The following PLXNB2 variants were observed in gnomAD, a reference collection of about 807,000 sequenced individuals.
The protein encoded by PLXNB2 is plexin-B2.
Under a neutral mutation model 202.6 loss-of-function variants are expected in PLXNB2, and 85 were observed. The observed-to-expected ratio is 0.42, with a 90% confidence interval of 0.35 to 0.50. The LOEUF (loss-of-function observed/expected upper bound fraction) is 0.50. Among genes scored for constraint, PLXNB2 ranks in the 20% least tolerant of loss-of-function variants. The pLI is 0.02. For synonymous variants in PLXNB2, 1,239 were observed against 1,137.6 expected (o/e 1.09, Z -1.79); for missense variants, 2,063 against 2,586.2 (o/e 0.80, Z 4.39).
At chr22:50,280,461 C>A in intron 25 of PLXNB2, 28 bp downstream of exon 25, 1 of 1,574,968 alleles carries the variant, frequency 6.3e-7, no homozygotes, top group South Asian at 1.1e-5. Flanking sequence ...CCGCCCGTGG[C>A]CCCGCTCGTG....
chr22:50,289,500 C>T lies in PLXNB2; in HGVS notation c.1068+17G>A. 1 of 1,591,640 alleles carries T rather than the reference C, an allele frequency of 6.3e-7. No individual in the cohort carries two copies. Among genetic ancestry groups the T allele is most frequent in the Non-Finnish European group, 8.6e-7 (1 of 1,167,714 alleles). ...GCCTGCAGTCCGGGCCCTGCGAGAA[C>T]ACACTGAGGCCCATACCGGCGCGTG... On this transcript the variant is annotated intron_variant, in intron 3 of 36. Transcript: ENST00000359337. This position sits in a 1 kb window ranked among gnomAD's most constrained non-coding sequence, Gnocchi z 8.0.
intron 2 of PLXNB2, among the ~76,000 whole-genome samples, chr22:50,294,399 C>G (rs1006870274): frequency 7.9e-5 from 12 of 151,924 alleles, no homozygotes; most frequent in Non-Finnish European, 1.5e-4. Context: ...CACCACACCC[C>G]CAACGCTCCA....
At chr22:50,304,634 G>C (rs1433219068) in intron 1 of PLXNB2, among the ~76,000 whole-genome samples, 1 of 152,142 alleles carries the variant, frequency 6.6e-6, no homozygotes, top group Non-Finnish European at 1.5e-5. Flanking sequence ...GCCTCCCCGG[G>C]GCCCCAGAGC....
intron 1 of PLXNB2, among the ~76,000 whole-genome samples, chr22:50,300,698 G>T (rs1226392978): frequency 2.6e-5 from 4 of 152,192 alleles, no homozygotes; most frequent in South Asian, 4.1e-4. Context: ...CTGGTTTCAG[G>T]GTGGGGTTCC....
At position 50,289,470 on chromosome 22, in the gene PLXNB2, C is replaced by T. The variant is rs138045888; in HGVS notation, c.1068+47G>A. 13,963 of 1,526,354 alleles carry T rather than the reference C, an allele frequency of 9.1e-3. 82 individuals carry two copies. The highest frequency in any genetic ancestry group is 0.01 in the Non-Finnish European group (11,859 of 1,133,586). 94.6% of individuals were successfully genotyped at this position (1,526,354 alleles called of 1,614,324 possible). A position where few individuals can be genotyped will look rare whatever the true frequency, so the allele number is the denominator to read the frequency against. ...AGGCTGGGACACGCAAACCCACGAACGGACGCCTGCAGTCCGGGCCCTGCG... is the reference window on the plus strand; with the variant it reads ...AGGCTGGGACACGCAAACCCACGAATGGACGCCTGCAGTCCGGGCCCTGCG... On this transcript the variant is annotated intron_variant, in intron 3 of 36. Transcript: ENST00000359337. This position sits in a 1 kb window ranked among gnomAD's most constrained non-coding sequence, Gnocchi z 8.0.
In PLXNB2 at chr22:50,286,110, G is replaced by A. The variant is rs2066437300; in HGVS notation, c.1878-12C>T. 2 of 1,611,916 alleles carry A rather than the reference G, an allele frequency of 1.2e-6. No individual in the cohort carries two copies. The highest frequency in any genetic ancestry group is 2.7e-5 in the African/African-American group (2 of 74,946). On this transcript the variant is annotated splice_polypyrimidine_tract_variant and intron_variant, in intron 9 of 36. Coordinates refer to ENST00000359337, the MANE Select transcript of PLXNB2 (RefSeq NM_012401.4). ...CGCAGGAGATGCACCTGCATCCAGAGGGGATCGTGAGCAGGGCTGGGGTGG... is the reference window on the plus strand; with the variant it reads ...CGCAGGAGATGCACCTGCATCCAGAAGGGATCGTGAGCAGGGCTGGGGTGG...
chr22:50,306,719 ACC>A (rs2067897002), intron 1 of PLXNB2, among the ~76,000 whole-genome samples: 2 of 147,004 alleles, frequency 1.4e-5, no homozygotes, highest in Non-Finnish European at 3.0e-5. Flanking sequence ...CCTCACCCTC[ACC>A]CTCACCCTCA....
intron 1 of PLXNB2, among the ~76,000 whole-genome samples, chr22:50,295,481 A>G (rs1244197459): frequency 6.6e-6 from 1 of 152,170 alleles, no homozygotes; most frequent in Non-Finnish European, 1.5e-5. Flanking sequence ...TACAAGGACT[A>G]AATGAATTCA....
chr22:50,287,721 G>A lies in PLXNB2; in HGVS notation c.1554C>T (p.Cys518=), dbSNP rs1248384953. The change falls in exon 7 of 37, where the codon TGC becomes TGT. Residue 518 remains cysteine, a synonymous_variant. Transcript: ENST00000359337. ...SHWLWSRSKS[C]VAVTSAQPQN... ...GTGGCTGGGCGCTGGTGACGGCCAC[G>A]CAGGACTTGCTTCGGCTCCACAGCC... 20 of 1,570,944 alleles carry A rather than the reference G, an allele frequency of 1.3e-5. No individual in the cohort carries two copies. The highest frequency in any genetic ancestry group is 2.3e-5 in the South Asian group (2 of 86,652).
rs2065768680 is a variant in PLXNB2 at position 50,278,499 on chromosome 22, G to A, written c.4668C>T (p.Leu1556=). ...GGGAGACCCCCACCTTGGACAGGAT[G>A]AGGGTGGCTCCATCCCGGACCTGGG... ...MHYNVRDGAT[L]ILSKVGVSQQ... The change falls in exon 30 of 37, where the codon CTC becomes CTT. Residue 1556 remains leucine, a synonymous_variant. Coordinates refer to ENST00000359337, the MANE Select transcript of PLXNB2 (RefSeq NM_012401.4). The A allele has an allele frequency of 2.6e-6, 4 of 1,565,548 alleles. No homozygotes were observed. The highest frequency in any genetic ancestry group is 3.5e-6 in the Non-Finnish European group (4 of 1,155,512).
At chr22:50,287,908 C>T (rs761965240) in intron 6 of PLXNB2, 29 bp downstream of exon 6, 141 of 1,579,690 alleles carry the variant, frequency 8.9e-5, no homozygotes, top group Non-Finnish European at 1.0e-4. Context: ...AGAGGCAGGC[C>T]GTGTCCCCGA....
At chr22:50,279,118 T>C (rs28633213) in intron 27 of PLXNB2, 107 bp from the exon 28 acceptor site, 637,526 of 1,219,590 alleles carry the variant, frequency 0.52, 168,658 homozygotes, top group South Asian at 0.61. Context: ...GCGGCACCCT[T>C]GGGCAGCAGG....
chr22:50,296,590 CAAAAAA>C (rs34197202), intron 1 of PLXNB2, among the ~76,000 whole-genome samples: 154 of 56,444 alleles, frequency 2.7e-3, no homozygotes, highest in African/African-American at 7.4e-3. Context: ...GACTCTGTCT[CAAAAAA>C]AAAAAAAAAA....
At chr22:50,281,035 A>C (rs2065948995) in intron 23 of PLXNB2, 54 bp downstream of exon 23, 1 of 1,600,040 alleles carries the variant, frequency 6.2e-7, no homozygotes, top group South Asian at 1.1e-5. Flanking sequence ...CACGCTACAC[A>C]CAGCATCCCC....
In PLXNB2 at chr22:50,283,327, G is replaced by T; in HGVS notation, c.2679+10C>A. On this transcript the variant is annotated intron_variant, in intron 16 of 36. Transcript: ENST00000359337. Reference sequence around the variant, plus strand: ...CCGGGTTCGGCAGGTCCCCGAGGCCGGGTGCTTACTTGGAAGGTGAACTGG... The same window carrying T: ...CCGGGTTCGGCAGGTCCCCGAGGCCTGGTGCTTACTTGGAAGGTGAACTGG... 6.2e-7 allele frequency: 1 copy of T among 1,611,988 alleles called. No homozygotes were observed. The highest frequency in any genetic ancestry group is 8.5e-7 in the Non-Finnish European group (1 of 1,179,294).
At position 50,297,749 on chromosome 22, in the gene PLXNB2, C is replaced by A. The variant is rs1242767631; in HGVS notation, c.-73-2971G>T. ...CCAGAGCCAGACCAGTGAGTTCACA[C>A]CCCAGCTCTGTCACGTTCTAGCTGG... On this transcript the variant is annotated intron_variant, in intron 1 of 36. Transcript: ENST00000359337. The surrounding 1 kb of genome is among the most constrained non-coding windows in gnomAD (Gnocchi z 5.3). 1.3e-5 allele frequency among the ~76,000 whole-genome samples: 2 copies of A among 152,202 alleles called. No homozygotes were observed. Among genetic ancestry groups the A allele is most frequent in the Non-Finnish European group, 2.9e-5 (2 of 68,030 alleles).
intron 1 of PLXNB2, 58 bp from the exon 2 acceptor site, chr22:50,294,836 C>T (rs1434326422): frequency 9.2e-6 from 8 of 867,568 alleles, no homozygotes; most frequent in Non-Finnish European, 1.1e-5. Context: ...TGTGGAGCCC[C>T]CCACCTCTGT....
At position 50,280,985 on chromosome 22, in the gene PLXNB2, C is replaced by G; in HGVS notation, c.3764-12G>C. The G allele has an allele frequency of 1.2e-6, 2 of 1,611,332 alleles. No homozygotes were observed. Among genetic ancestry groups the G allele is most frequent in the Non-Finnish European group, 1.7e-6 (2 of 1,178,584 alleles). ...CTCGATCATCAGGTCTGGGGGGAGGCTGGCGTGAGACGTCCCTGGCCACGT... is the reference window on the plus strand; with the variant it reads ...CTCGATCATCAGGTCTGGGGGGAGGGTGGCGTGAGACGTCCCTGGCCACGT... On this transcript the variant is annotated splice_polypyrimidine_tract_variant and intron_variant, in intron 23 of 36. Coordinates refer to ENST00000359337, the MANE Select transcript of PLXNB2 (RefSeq NM_012401.4).
Position 50,288,678 on chromosome 22 carries a change from G to A in PLXNB2, c.1380+65C>T, listed in dbSNP as rs2066644409. On this transcript the variant is annotated intron_variant, in intron 5 of 36. Transcript: ENST00000359337. The surrounding 1 kb of genome is among the most constrained non-coding windows in gnomAD (Gnocchi z 5.0). ...CTCTGGCCCCCAGGCCTGTCCTAAG[G>A]GCCTGGGATGCAATGACCGGGCACA... 1 of 1,595,244 alleles carries A rather than the reference G, an allele frequency of 6.3e-7. No individual in the cohort carries two copies.
Sources: gnomAD v4.1 joint callset for allele counts (sites outside exome capture counted in the v4.1 genomes callset) on GRCh38, gnomAD v4.1.1 for gene constraint, Gnocchi (gnomAD v3.1) non-coding constraint, MANE v1.5 for transcripts, NCBI Gene and HGNC (gene_info 2026-07-23, HGNC 2026-07-21) for gene names.